Variants in IPMK observed in about 807,000 individuals in gnomAD.
The protein encoded by IPMK is inositol 1,3,4,6-tetrakisphosphate 5-kinase.
A neutral mutation model predicts 45.8 loss-of-function variants in IPMK; 17 were observed. The observed-to-expected ratio is 0.37, with a 90% CI of 0.25 to 0.56. The LOEUF (loss-of-function observed/expected upper bound fraction) is 0.56. Ranked by LOEUF, IPMK falls within the 20% of genes least tolerant of loss-of-function variation. The pLI is 0.79. For synonymous variants in IPMK, 180 were observed against 184.3 expected (o/e 0.98, Z 0.19); for missense variants, 399 against 498.0 (o/e 0.80, Z 1.89).
Position 58,267,391 on chromosome 10 carries a change from G to A in IPMK, c.190+31C>T, listed in dbSNP as rs754397948. ...CAGGGGGCTCGCACAGGCGGAAGGGGAGCGGCGAGACCTATGCCACCCCCA... is the reference window on the plus strand; with the variant it reads ...CAGGGGGCTCGCACAGGCGGAAGGGAAGCGGCGAGACCTATGCCACCCCCA... On this transcript the variant is annotated intron_variant, in intron 1 of 5. Coordinates refer to ENST00000373935, the MANE Select transcript of IPMK (RefSeq NM_152230.5). The A allele has an allele frequency of 2.0e-5, 32 of 1,607,886 alleles. No individual in the cohort carries two copies. The East Asian group carries it at 6.5e-4, about 33-fold the overall frequency.
In IPMK at chr10:58,259,671, T is replaced by TAAAAAAA. The variant is rs560813021; in HGVS notation, c.190+7744_190+7750dup. 1.1e-3 allele frequency among the ~76,000 whole-genome samples: 93 copies of TAAAAAAA among 86,694 alleles called. 3 individuals are homozygous for TAAAAAAA. The highest frequency in any genetic ancestry group is 3.4e-3 in the African/African-American group (54 of 15,970). The allele number at this position is 86,694 out of a possible 152,430, so 56.9% of individuals were successfully genotyped here. On this transcript the variant is annotated intron_variant, in intron 1 of 5. Transcript: ENST00000373935. ...AGCATGGTAAAATCCCATCTCTACA[T>TAAAAAAA]AAAAAAAAAAAAAAAACAATTAGCC...
chr10:58,217,870 G>A (rs1033232370), intron 3 of IPMK, among the ~76,000 whole-genome samples: 9 of 151,798 alleles, frequency 5.9e-5, no homozygotes, highest in Non-Finnish European at 2.9e-5. Flanking sequence ...AAAGAGTACC[G>A]GGGTAAGAGA....
chr10:58,210,123 G>C (rs973433568), intron 4 of IPMK, among the ~76,000 whole-genome samples: 30 of 152,036 alleles, frequency 2.0e-4, no homozygotes, highest in South Asian at 6.2e-4. Flanking sequence ...GGGGGATGGG[G>C]GGTGGTTCTC....
At chr10:58,260,571 A>G (rs1839049138) in intron 1 of IPMK, among the ~76,000 whole-genome samples, 1 of 152,232 alleles carries the variant, frequency 6.6e-6, no homozygotes, top group South Asian at 2.1e-4. Flanking sequence ...GGCAAAATTA[A>G]TATTAACAAT....
intron 1 of IPMK, among the ~76,000 whole-genome samples, chr10:58,258,133 A>AC (rs200850005): frequency 0.061 from 9,199 of 151,894 alleles, 329 homozygotes; most frequent in African/African-American, 0.087. Flanking sequence ...ACATGGTGAA[A>AC]CCCCCATCTC....
At chr10:58,242,437 G>A (rs1838709013) in intron 1 of IPMK, among the ~76,000 whole-genome samples, 1 of 148,012 alleles carries the variant, frequency 6.8e-6, no homozygotes, top group African/African-American at 2.5e-5. Context: ...TCCAGCCTGG[G>A]CGACAGAGCG....
At position 58,196,271 on chromosome 10, in the gene IPMK, T is replaced by C. The variant is rs1329155992; in HGVS notation, c.1056A>G (p.Glu352=). The change falls in exon 6 of 6, where the codon GAA becomes GAG. Residue 352 remains glutamate, a synonymous_variant. Transcript: ENST00000373935. The part of the protein sequence containing the change: ...QDNGWKSMSQ[E]HLNGNVLSQL... ...GGGAAAGTACATTTCCATTTAAATG[T>C]TCCTGTGACATGCTTTTCCACCCAT... 1.2e-6 allele frequency: 2 copies of C among 1,614,076 alleles called. No individual in the cohort carries two copies. The highest frequency in any genetic ancestry group is 2.2e-5 in the East Asian group (1 of 44,870).
At chr10:58,217,156 C>CTTTTT (rs58314639) in intron 3 of IPMK, among the ~76,000 whole-genome samples, 6,154 of 102,762 alleles carry the variant, frequency 0.06, 280 homozygotes, top group Non-Finnish European at 0.085. Flanking sequence ...GCCCATCTTG[C>CTTTTT]TTTTTTTTTT....
intron 1 of IPMK, among the ~76,000 whole-genome samples, chr10:58,243,349 C>CT (rs1201915374): frequency 6.6e-6 from 1 of 152,168 alleles, no homozygotes; most frequent in African/African-American, 2.4e-5. Context: ...TAGAATGTCA[C>CT]TGCCTTTAAA....
chr10:58,222,321 A>G (rs1838348767), intron 3 of IPMK, among the ~76,000 whole-genome samples: 1 of 152,128 alleles, frequency 6.6e-6, no homozygotes, highest in Admixed American at 6.6e-5. Context: ...GTAGTTTACA[A>G]GTAAAGGCAG....
At chr10:58,259,687 A>AAAAAAAAAAAAAAC (rs1277126770) in intron 1 of IPMK, among the ~76,000 whole-genome samples, 12 of 149,954 alleles carry the variant, frequency 8.0e-5, no homozygotes, top group South Asian at 4.2e-4. Flanking sequence ...AAAAAAAAAA[A>AAAAAAAAAAAAAAC]CAATTAGCCA....
chr10:58,208,572 T>G (rs1011402209), intron 4 of IPMK, among the ~76,000 whole-genome samples: 10 of 152,174 alleles, frequency 6.6e-5, no homozygotes, highest in Admixed American at 2.6e-4. Flanking sequence ...AACTGATTCT[T>G]GGTACTTGTA....
At chr10:58,203,428 C>A (rs762795104) in intron 4 of IPMK, among the ~76,000 whole-genome samples, 12 of 152,200 alleles carry the variant, frequency 7.9e-5, no homozygotes, top group Non-Finnish European at 1.5e-4. Context: ...GCAATCCTCC[C>A]ACCTCAGCCT....
intron 1 of IPMK, among the ~76,000 whole-genome samples, chr10:58,242,655 T>C (rs1049499149): frequency 2.0e-5 from 3 of 151,676 alleles, no homozygotes; most frequent in Non-Finnish European, 4.4e-5. Flanking sequence ...ATAGAAATTA[T>C]ACAAATTGAA....
At chr10:58,216,110 A>G (rs2132152734) in intron 4 of IPMK, 35 bp downstream of exon 4, 3 of 1,332,252 alleles carry the variant, frequency 2.3e-6, no homozygotes, top group African/African-American at 3.0e-5. Flanking sequence ...ACATGTACAG[A>G]GAAATGTGCA....
Position 58,216,169 on chromosome 10 carries a change from A to G in IPMK, c.522T>C (p.Ile174=). ...QVSKYPLMEE[I]GFLVLGMRVY... ...CCCTCATGCCAAGCACCAAGAACCC[A>G]ATCTCTTCCATTAATGGGTACTTGC... is the stretch of plus-strand genomic sequence containing the variant. The change falls in exon 4 of 6, where the codon ATT becomes ATC. Residue 174 remains isoleucine (I), a synonymous_variant. Coordinates refer to ENST00000373935, the MANE Select transcript of IPMK (RefSeq NM_152230.5). 1 of 1,607,202 alleles carries G rather than the reference A, an allele frequency of 6.2e-7. No homozygotes were observed. Among genetic ancestry groups the G allele is most frequent in the Non-Finnish European group, 8.5e-7 (1 of 1,177,712 alleles).
chr10:58,210,758 C>G (rs1408491281), intron 4 of IPMK, among the ~76,000 whole-genome samples: 2 of 152,268 alleles, frequency 1.3e-5, no homozygotes, highest in East Asian at 3.9e-4. Context: ...GGTATGTGTT[C>G]GAAGGCAGGT....
rs1232909191 is a variant in IPMK at position 58,194,858 on chromosome 10, T to C, written c.*1218A>G. On this transcript the variant is annotated 3_prime_UTR_variant, in exon 6 of 6. Coordinates refer to ENST00000373935, the MANE Select transcript of IPMK (RefSeq NM_152230.5). ...ATGACAAATAACTAGTTGATTTTTT[T>C]TTAAGGTGGTGGGTGTGAAACAAAG... is the stretch of plus-strand genomic sequence containing the variant. 1 of 151,958 alleles carries C rather than the reference T, an allele frequency of 6.6e-6. No homozygotes were observed. Among genetic ancestry groups the C allele is most frequent in the Non-Finnish European group, 1.5e-5 (1 of 67,828 alleles). 9.4% of individuals were successfully genotyped at this position (151,958 alleles called of 1,614,324 possible). A position where few individuals can be genotyped will look rare whatever the true frequency, so the allele number is the denominator to read the frequency against.
At chr10:58,225,513 C>T (rs2790235) in intron 3 of IPMK, among the ~76,000 whole-genome samples, 51,534 of 151,962 alleles carry the variant, frequency 0.34, 10,995 homozygotes, top group African/African-American at 0.61. Context: ...ACTAAAAAGG[C>T]TATCTTTAAT....
Sources: allele counts gnomAD v4.1 joint callset (sites outside exome capture counted in the v4.1 genomes callset), GRCh38; gene constraint gnomAD v4.1.1; transcripts MANE v1.5; gene names NCBI Gene and HGNC (gene_info 2026-07-23, HGNC 2026-07-21).